The following NUBPL variants were observed in gnomAD, a reference collection of about 807,000 sequenced individuals.
NUBPL encodes iron-sulfur cluster transfer protein NUBPL.
NUBPL carries 31 observed loss-of-function variants against 45.7 expected under a neutral mutation model. The ratio of observed to expected loss-of-function variants is 0.68; its 90% CI spans 0.51 to 0.92. The LOEUF is 0.92. Among genes scored for constraint, NUBPL ranks in the 40% least tolerant of loss-of-function variants. NUBPL has a pLI of 0.00. For synonymous variants in NUBPL, 144 were observed against 140.9 expected, an observed-to-expected ratio of 1.02 and a Z score of -0.15; for missense variants, 401 against 398.7, an observed-to-expected ratio of 1.01 and a Z score of -0.05.
intron 3 of NUBPL, among the ~76,000 whole-genome samples, chr14:31,566,344 A>G (rs1195021382): frequency 1.3e-5 from 2 of 152,184 alleles, no homozygotes; most frequent in Non-Finnish European, 2.9e-5. Context: ...TTTATTCACC[A>G]TAGAAACAGG....
chr14:31,838,279 CAAAA>C (rs748313330), intron 8 of NUBPL, among the ~76,000 whole-genome samples: 95 of 60,276 alleles, frequency 1.6e-3, no homozygotes, highest in African/African-American at 4.4e-3. Flanking sequence ...TAATATCCAG[CAAAA>C]AAAAAAAAAA....
intron 4 of NUBPL, among the ~76,000 whole-genome samples, chr14:31,625,456 T>G (rs974182698): frequency 3.3e-5 from 5 of 151,200 alleles, no homozygotes; most frequent in Non-Finnish European, 7.4e-5. Flanking sequence ...GGGTAAGATA[T>G]AAATTCTATT....
At chr14:31,602,578 C>G (rs1469721373) in intron 4 of NUBPL, among the ~76,000 whole-genome samples, 1 of 151,886 alleles carries the variant, frequency 6.6e-6, no homozygotes, top group Non-Finnish European at 1.5e-5. Context: ...ATTCTCAGCC[C>G]CATCCATTTA....
chr14:31,598,429 C>T (rs1331314817), intron 3 of NUBPL, among the ~76,000 whole-genome samples: 2 of 152,062 alleles, frequency 1.3e-5, no homozygotes, highest in Admixed American at 1.3e-4. Flanking sequence ...AACTCTAAGA[C>T]ATATCGTGTT....
chr14:31,695,167 T>C (rs10137865), intron 6 of NUBPL, among the ~76,000 whole-genome samples: 8,527 of 152,230 alleles, frequency 0.056, 696 homozygotes, highest in African/African-American at 0.18. Flanking sequence ...TTAGTCAGCA[T>C]TGAAAGAGAA....
chr14:31,786,850 A>G (rs1375612559), intron 6 of NUBPL, among the ~76,000 whole-genome samples: 1 of 152,210 alleles, frequency 6.6e-6, no homozygotes, highest in African/African-American at 2.4e-5. Flanking sequence ...AAGGCAAGAG[A>G]AGAGTTTTAA....
chr14:31,789,264 T>C (rs2039337447), intron 7 of NUBPL, among the ~76,000 whole-genome samples: 1 of 152,020 alleles, frequency 6.6e-6, no homozygotes, highest in Non-Finnish European at 1.5e-5. Flanking sequence ...AGGCAGAGCT[T>C]GTAGTGAGCT....
At chr14:31,594,564 T>TG (rs2034233316) in intron 3 of NUBPL, among the ~76,000 whole-genome samples, 1 of 152,130 alleles carries the variant, frequency 6.6e-6, no homozygotes, top group South Asian at 2.1e-4. Flanking sequence ...TGATTTTTTT[T>TG]TTCTTTTATG....
chr14:31,837,610 A>T (rs2040302429), intron 8 of NUBPL, among the ~76,000 whole-genome samples: 1 of 152,230 alleles, frequency 6.6e-6, no homozygotes, highest in African/African-American at 2.4e-5. Flanking sequence ...TTATCATTTC[A>T]ACATGAAAAC....
At chr14:31,832,787 GC>G (rs1436324780) in intron 8 of NUBPL, among the ~76,000 whole-genome samples, 1 of 152,136 alleles carries the variant, frequency 6.6e-6, no homozygotes, top group Non-Finnish European at 1.5e-5. Flanking sequence ...TCCCAGCTCT[GC>G]CACTTTGTAA....
intron 6 of NUBPL, among the ~76,000 whole-genome samples, chr14:31,754,392 T>C (rs1316691960): frequency 6.6e-6 from 1 of 152,148 alleles, no homozygotes; most frequent in Non-Finnish European, 1.5e-5. Flanking sequence ...TAACTACTAA[T>C]TTGTAGGTAA....
At chr14:31,809,011 C>A (rs1329325489) in intron 7 of NUBPL, among the ~76,000 whole-genome samples, 5 of 152,106 alleles carry the variant, frequency 3.3e-5, no homozygotes, top group Non-Finnish European at 7.3e-5. Context: ...CTGCTGGATT[C>A]GGTTTGCCAG....
chr14:31,588,698 C>T (rs575451156), intron 3 of NUBPL, among the ~76,000 whole-genome samples: 45 of 151,634 alleles, frequency 3.0e-4, no homozygotes, highest in African/African-American at 9.2e-4. Context: ...GGGCAGATTA[C>T]GAGGTCAGGA....
intron 7 of NUBPL, among the ~76,000 whole-genome samples, chr14:31,807,523 C>A (rs1434621651): frequency 6.6e-6 from 1 of 152,090 alleles, no homozygotes; most frequent in Non-Finnish European, 1.5e-5. Flanking sequence ...TGGATATTAG[C>A]CCTTTGTCAG....
chr14:31,624,104 A>G (rs374900966), intron 4 of NUBPL, among the ~76,000 whole-genome samples: 13 of 152,286 alleles, frequency 8.5e-5, no homozygotes, highest in Admixed American at 3.3e-4. Context: ...GTGAGATGTA[A>G]TAAGTCCTGA....
intron 7 of NUBPL, among the ~76,000 whole-genome samples, chr14:31,823,677 G>A (rs1335675852): frequency 6.6e-6 from 1 of 152,090 alleles, no homozygotes; most frequent in Non-Finnish European, 1.5e-5. Flanking sequence ...AAACTATCTA[G>A]TGCAGGCATT....
chr14:31,828,814 A>AT (rs1223191269), intron 8 of NUBPL, among the ~76,000 whole-genome samples: 2 of 152,252 alleles, frequency 1.3e-5, no homozygotes, highest in East Asian at 1.9e-4. Flanking sequence ...GTTCTGACAG[A>AT]TTTTTTCCTA....
intron 3 of NUBPL, among the ~76,000 whole-genome samples, chr14:31,573,843 C>T (rs2033651214): frequency 6.6e-6 from 1 of 152,122 alleles, no homozygotes; most frequent in East Asian, 1.9e-4. Flanking sequence ...TTTACTATCT[C>T]CTCTGCTAGT....
At chr14:31,825,757 CTTCT>C (rs1327932888) in intron 7 of NUBPL, among the ~76,000 whole-genome samples, 1 of 144,736 alleles carries the variant, frequency 6.9e-6, no homozygotes, top group African/African-American at 2.6e-5. Flanking sequence ...CTTCTTTTTT[CTTCT>C]TTCTTCTTCC....
Sources: gnomAD v4.1 joint callset for allele counts (sites outside exome capture counted in the v4.1 genomes callset) on GRCh38, gnomAD v4.1.1 for gene constraint, MANE v1.5 for transcripts, NCBI Gene and HGNC (gene_info 2026-07-23, HGNC 2026-07-21) for gene names.